Variants in C10orf90 observed in about 807,000 individuals in gnomAD.
C10orf90 encodes (E2-independent) E3 ubiquitin-conjugating enzyme FATS.
Under a neutral mutation model 62.5 loss-of-function variants are expected in C10orf90, and 56 were observed. The ratio of observed to expected loss-of-function variants is 0.90; its 90% CI spans 0.72 to 1.12. C10orf90 has a LOEUF of 1.12. Among genes scored for constraint, C10orf90 ranks in the 50% most tolerant of loss-of-function variants. C10orf90 has a pLI of 0.00. For synonymous variants in C10orf90, 386 were observed against 340.4 expected, an observed-to-expected ratio of 1.13 and a Z score of -1.47; for missense variants, 970 against 880.4, an observed-to-expected ratio of 1.10 and a Z score of -1.29.
At chr10:126,595,679 G>A (rs1845069952) in intron 2 of C10orf90, among the ~76,000 whole-genome samples, 2 of 152,058 alleles carry the variant, frequency 1.3e-5, no homozygotes, top group Admixed American at 6.6e-5. Context: ...TTATAACTCA[G>A]AGACTAGACA....
rs1258898587 is a variant in C10orf90 at position 126,623,696 on chromosome 10, G to C, written c.313+22869C>G. Among the ~76,000 whole-genome samples, 4 of 151,870 alleles carry C rather than the reference G, an allele frequency of 2.6e-5. No individual in the cohort carries two copies. In the East Asian group the frequency reaches 7.8e-4, roughly 30 times the overall value. On this transcript the variant is annotated intron_variant, in intron 2 of 9. Coordinates refer to ENST00000488181, the MANE Select transcript of C10orf90 (RefSeq NM_001350921.2). ...ATCTCTATTAAAAATACAAAATTTA[G>C]TCAGGGTGGTGGTGGGCGCCTGTAA... is the stretch of plus-strand genomic sequence containing the variant.
intron 7 of C10orf90, among the ~76,000 whole-genome samples, chr10:126,430,742 C>T (rs548421812): frequency 2.0e-5 from 3 of 152,224 alleles, no homozygotes; most frequent in Non-Finnish European, 4.4e-5. Flanking sequence ...CCTTGCCAAG[C>T]ATCAGAGTTG....
At chr10:126,514,676 A>C (rs1359443214) in intron 2 of C10orf90, among the ~76,000 whole-genome samples, 1 of 152,192 alleles carries the variant, frequency 6.6e-6, no homozygotes, top group African/African-American at 2.4e-5. Flanking sequence ...AGTCCTGAGC[A>C]GAAGCTTTCT....
In C10orf90 at chr10:126,622,150, C is replaced by T. The variant is rs543628438; in HGVS notation, c.313+24415G>A. The stretch of plus-strand genomic sequence containing the variant: ...GGATCATATCTGGTTCGTTCTTATG[C>T]GACTCCCACCCTTCACTCCTGAATC... On this transcript the variant is annotated intron_variant, in intron 2 of 9. Coordinates refer to ENST00000488181, the MANE Select transcript of C10orf90 (RefSeq NM_001350921.2). 1.4e-4 allele frequency among the ~76,000 whole-genome samples: 21 copies of T among 152,260 alleles called. No individual in the cohort carries two copies. In the South Asian group the frequency reaches 3.9e-3, roughly 29 times the overall value.
At chr10:126,642,368 TAA>T (rs1233494481) in intron 2 of C10orf90, among the ~76,000 whole-genome samples, 1 of 151,908 alleles carries the variant, frequency 6.6e-6, no homozygotes, top group Non-Finnish European at 1.5e-5. Flanking sequence ...CCGTCTCTAC[TAA>T]AAATACAAAA....
chr10:126,632,534 GA>G (rs1256552073), intron 2 of C10orf90, among the ~76,000 whole-genome samples: 3 of 151,920 alleles, frequency 2.0e-5, no homozygotes, highest in Non-Finnish European at 4.4e-5. Flanking sequence ...TAGTGGTTGT[GA>G]AAATAGCACA....
intron 2 of C10orf90, among the ~76,000 whole-genome samples, chr10:126,644,134 G>A (rs1042728160): frequency 6.6e-6 from 1 of 152,178 alleles, no homozygotes; most frequent in Non-Finnish European, 1.5e-5. Context: ...GAATGCCCCC[G>A]ACCCTTGATG....
chr10:126,530,477 GA>G (rs1182877280), intron 2 of C10orf90, among the ~76,000 whole-genome samples: 30 of 151,354 alleles, frequency 2.0e-4, no homozygotes, highest in Non-Finnish European at 2.7e-4. Flanking sequence ...ATTCAACTTA[GA>G]AAAAAATATA....
In C10orf90 at chr10:126,431,415, T is replaced by C. The variant is rs112592234; in HGVS notation, c.2189-1565A>G. Among the ~76,000 whole-genome samples the C allele has an allele frequency of 3.0e-3, 460 of 152,270 alleles. 2 individuals carry two copies. Among genetic ancestry groups the C allele is most frequent in the African/African-American group, 0.01 (435 of 41,556 alleles). The stretch of plus-strand genomic sequence containing the variant: ...AACAACATCACCATGGAGACTGCAA[T>C]GGGCCAAGATGCTTCCCAGTATCCA... On this transcript the variant is annotated intron_variant, in intron 7 of 9. Transcript: ENST00000488181.
chr10:126,527,278 T>C (rs981671762), intron 2 of C10orf90, among the ~76,000 whole-genome samples: 2 of 152,208 alleles, frequency 1.3e-5, no homozygotes, highest in Admixed American at 6.5e-5. Flanking sequence ...TGGTATCTCA[T>C]TGTGGTTTTG....
At chr10:126,647,987 G>A (rs1048195722) in intron 1 of C10orf90, among the ~76,000 whole-genome samples, 1 of 152,198 alleles carries the variant, frequency 6.6e-6, no homozygotes, top group African/African-American at 2.4e-5. Context: ...TGGTCTAAAT[G>A]TGTCCCCCAA....
intron 4 of C10orf90, among the ~76,000 whole-genome samples, chr10:126,472,819 T>C (rs1860649627): frequency 6.6e-6 from 1 of 152,126 alleles, no homozygotes; most frequent in South Asian, 2.1e-4. Flanking sequence ...CACGCAAGCA[T>C]GCATGTGTGT....
chr10:126,611,292 A>T (rs1845428270), intron 2 of C10orf90, among the ~76,000 whole-genome samples: 1 of 152,166 alleles, frequency 6.6e-6, no homozygotes, highest in African/African-American at 2.4e-5. Flanking sequence ...AGCATAATGT[A>T]CTCAAGATTC....
At position 126,453,524 on chromosome 10, in the gene C10orf90, G is replaced by A. The variant is rs557846035; in HGVS notation, c.2188+5516C>T. On this transcript the variant is annotated intron_variant, in intron 7 of 9. Transcript: ENST00000488181. This position sits in a 1 kb window ranked among gnomAD's most constrained non-coding sequence, Gnocchi z 4.9. Reference sequence around the variant, plus strand: ...TTCCTGAAGGGTTTTCTACACATTCGAAGGTTAAGGGGACAAACTGAGAGA... The same window carrying A: ...TTCCTGAAGGGTTTTCTACACATTCAAAGGTTAAGGGGACAAACTGAGAGA... 3.3e-5 allele frequency among the ~76,000 whole-genome samples: 5 copies of A among 152,240 alleles called. No homozygotes were observed. Among genetic ancestry groups the A allele is most frequent in the South Asian group, 2.1e-4 (1 of 4,804 alleles).
chr10:126,455,541 C>T (rs888805425), intron 7 of C10orf90, among the ~76,000 whole-genome samples: 4 of 152,212 alleles, frequency 2.6e-5, no homozygotes, highest in African/African-American at 7.2e-5. Flanking sequence ...AAACAAGGTA[C>T]GCTGAAGAGA....
chr10:126,425,920 C>G lies in C10orf90; in HGVS notation c.2353-18G>C, dbSNP rs769373786. 13 of 1,613,968 alleles carry G rather than the reference C, an allele frequency of 8.1e-6. No homozygotes were observed. Among genetic ancestry groups the G allele is most frequent in the Non-Finnish European group, 1.1e-5 (13 of 1,180,002 alleles). On this transcript the variant is annotated intron_variant, in intron 9 of 9. Coordinates refer to ENST00000488181, the MANE Select transcript of C10orf90 (RefSeq NM_001350921.2). ...AGTAATTGCTAGAGGAAAAGGGAAA[C>G]AAAGATGTCAAGTTGAGATTCGGCA...
Position 126,665,370 on chromosome 10 carries a change from G to A in C10orf90, c.240+4871C>T, listed in dbSNP as rs1234337820. 3.3e-5 allele frequency among the ~76,000 whole-genome samples: 5 copies of A among 152,146 alleles called. No individual in the cohort carries two copies. The South Asian group carries it at 6.2e-4, about 19-fold the overall frequency. ...AACTGTGAGAAGAAAGGAAATGTTC[G>A]CTTTACCTCCTGTTTGGTCTCAGTG... On this transcript the variant is annotated intron_variant, in intron 1 of 9. Transcript: ENST00000488181.
chr10:126,584,130 T>G (rs1193176317), intron 2 of C10orf90, among the ~76,000 whole-genome samples: 1 of 151,162 alleles, frequency 6.6e-6, no homozygotes, highest in African/African-American at 2.4e-5. Context: ...AGAAGAAATA[T>G]GAGGGCTCTG....
chr10:126,589,421 G>A (rs1435376685), intron 2 of C10orf90, among the ~76,000 whole-genome samples: 2 of 152,032 alleles, frequency 1.3e-5, no homozygotes, highest in Admixed American at 6.6e-5. Flanking sequence ...CTCCAATGTC[G>A]AAATGAAAGA....
Sources: allele counts gnomAD v4.1 joint callset (sites outside exome capture counted in the v4.1 genomes callset), GRCh38; gene constraint gnomAD v4.1.1; non-coding constraint Gnocchi (gnomAD v3.1); transcripts MANE v1.5; gene names NCBI Gene and HGNC (gene_info 2026-07-23, HGNC 2026-07-21).